Variants in ZGPAT observed in about 807,000 individuals in gnomAD.
ZGPAT encodes zinc finger CCCH-type and G-patch domain containing.
Under a neutral mutation model 47.9 loss-of-function variants are expected in ZGPAT, and 39 were observed. The observed-to-expected ratio is 0.81, with a 90% CI of 0.63 to 1.06. ZGPAT has a LOEUF of 1.06. ZGPAT is among the 50% of genes least tolerant of loss of function. The pLI is 0.00. For synonymous variants in ZGPAT, 348 were observed against 292.9 expected, an observed-to-expected ratio of 1.19 and a Z score of -1.92; for missense variants, 717 against 681.4, an observed-to-expected ratio of 1.05 and a Z score of -0.58.
chr20:63,709,870 C>CT (rs920084806), intron 2 of ZGPAT, among the ~76,000 whole-genome samples: 15 of 151,592 alleles, frequency 9.9e-5, no homozygotes, highest in East Asian at 3.9e-4. Flanking sequence ...AATTTTTTAT[C>CT]TTTTTTTTGA....
At chr20:63,732,952 G>A (rs1370804365) in intron 2 of ZGPAT, among the ~76,000 whole-genome samples, 1 of 151,692 alleles carries the variant, frequency 6.6e-6, no homozygotes, top group East Asian at 1.9e-4. Context: ...GTGTATATAT[G>A]TGTATGTGTG....
At chr20:63,713,062 G>T (rs2091686908) in intron 2 of ZGPAT, among the ~76,000 whole-genome samples, 1 of 150,350 alleles carries the variant, frequency 6.7e-6, no homozygotes, top group Admixed American at 6.7e-5. Context: ...CTTCTCTAAG[G>T]AATTGTTTTT....
At chr20:63,722,119 C>T (rs1233380976) in intron 2 of ZGPAT, among the ~76,000 whole-genome samples, 9 of 152,030 alleles carry the variant, frequency 5.9e-5, no homozygotes, top group Admixed American at 5.9e-4. Flanking sequence ...TTCAGGGAGA[C>T]ACTAGAAAGA....
chr20:63,720,428 T>TA (rs2091776027), intron 2 of ZGPAT, among the ~76,000 whole-genome samples: 1 of 152,170 alleles, frequency 6.6e-6, no homozygotes, highest in Non-Finnish European at 1.5e-5. Flanking sequence ...GTGCTGGAAT[T>TA]ACAGGTGTGA....
chr20:63,727,838 G>A (rs2091860513), intron 2 of ZGPAT, among the ~76,000 whole-genome samples: 1 of 151,844 alleles, frequency 6.6e-6, no homozygotes, highest in African/African-American at 2.4e-5. Flanking sequence ...TCCTAAATAT[G>A]GATCATGGTT....
chr20:63,732,582 T>C (rs1366228388), intron 2 of ZGPAT, among the ~76,000 whole-genome samples: 1 of 151,920 alleles, frequency 6.6e-6, no homozygotes, highest in Non-Finnish European at 1.5e-5. Flanking sequence ...TGAGTTCATG[T>C]GTGAGTGCAT....
chr20:63,731,070 A>G (rs1432202333), intron 2 of ZGPAT, among the ~76,000 whole-genome samples: 1 of 151,178 alleles, frequency 6.6e-6, no homozygotes, highest in African/African-American at 2.4e-5. Context: ...AGGTTCTCCT[A>G]GTTTGGGGGA....
chr20:63,735,197 C>A lies in ZGPAT; in HGVS notation c.1030C>A (p.His344Asn). 6.5e-7 allele frequency: 1 copy of A among 1,541,040 alleles called. No homozygotes were observed. Among genetic ancestry groups the A allele is most frequent in the Non-Finnish European group, 8.7e-7 (1 of 1,143,384 alleles). ...CGCGGAAGGCCGGGTGGAGCCCATC[C>A]ATGCTGTGGTGTTGCCTCGAGGGAA... ...RHAEGRVEPI[H>N]AVVLPRGKSL... Residue 344 changes from histidine to asparagine, a missense_variant, in exon 6 of 7, where the codon CAT (histidine) becomes AAT (asparagine). Physicochemically the swap from His to Asn is moderately conservative, Grantham distance 68 (BLOSUM62 1). Coordinates refer to ENST00000355969, the MANE Select transcript of ZGPAT (RefSeq NM_181485.3).
chr20:63,734,176 G>A, intron 4 of ZGPAT: 1 of 280,432 alleles, frequency 3.6e-6, no homozygotes. Flanking sequence ...CTGGTGGGCA[G>A]TGTCCAGCTC....
chr20:63,734,681 C>G (rs779748126), intron 4 of ZGPAT, 24 bp from the exon 5 acceptor site: 2 of 1,612,616 alleles, frequency 1.2e-6, no homozygotes, highest in Middle Eastern at 3.3e-4. Context: ...GCACAGTCCT[C>G]TGCCCTCTGT....
intron 2 of ZGPAT, among the ~76,000 whole-genome samples, chr20:63,721,365 A>AG (rs1171360909): frequency 6.6e-6 from 1 of 151,954 alleles, no homozygotes; most frequent in Non-Finnish European, 1.5e-5. Flanking sequence ...TAAAAAAAAA[A>AG]AAAAAAAGGA....
intron 2 of ZGPAT, among the ~76,000 whole-genome samples, chr20:63,709,962 G>A (rs368970520): frequency 4.6e-5 from 7 of 151,984 alleles, no homozygotes; most frequent in East Asian, 3.9e-4. Flanking sequence ...CCGGGTTCAC[G>A]CCATTCTCCT....
rs943694389 is a variant in ZGPAT at position 63,735,038 on chromosome 20, C to G, written c.992-121C>G. 5.0e-6 allele frequency: 7 copies of G among 1,387,712 alleles called. No individual in the cohort carries two copies. In the East Asian group the frequency reaches 1.6e-4, roughly 32 times the overall value. 86.0% of individuals were successfully genotyped at this position (1,387,712 alleles called of 1,614,324 possible). A position where few individuals can be genotyped will look rare whatever the true frequency, so the allele number is the denominator to read the frequency against. The stretch of plus-strand genomic sequence containing the variant: ...GATTCCCAGGGTCCTACGGCCACAG[C>G]ACTGCCATCTCCGTGCTCCTCAGAT... On this transcript the variant is annotated intron_variant, in intron 5 of 6. Transcript: ENST00000355969.
At chr20:63,728,531 C>G (rs967550310) in intron 2 of ZGPAT, among the ~76,000 whole-genome samples, 5 of 152,194 alleles carry the variant, frequency 3.3e-5, no homozygotes, top group Non-Finnish European at 7.3e-5. Context: ...TCACCCTGGC[C>G]TCTCTTGGAG....
Position 63,735,417 on chromosome 20 carries a change from C to A in ZGPAT, c.1250C>A (p.Ala417Glu). The A allele has an allele frequency of 6.4e-7, 1 of 1,568,724 alleles. No individual in the cohort carries two copies. Among genetic ancestry groups the A allele is most frequent in the South Asian group, 1.2e-5 (1 of 84,032 alleles). Reference protein sequence around the residue: ...PGALEAGAAPAGRRSKDMYHA... With the variant: ...PGALEAGAAPEGRRSKDMYHA... ...GCCCTAGAAGCCGGGGCGGCCCCAG[C>A]GGGGAGGAGGAGCAAGGACATGTAC... Residue 417 changes from alanine to glutamate, a missense_variant, in exon 6 of 7, where the codon GCG (alanine) becomes GAG (glutamate). Coordinates refer to ENST00000355969, the MANE Select transcript of ZGPAT (RefSeq NM_181485.3).
chr20:63,734,038 A>G, intron 4 of ZGPAT: 1 of 402,192 alleles, frequency 2.5e-6, no homozygotes. Context: ...TGACCAACTG[A>G]TGGGGCCTGG....
intron 2 of ZGPAT, among the ~76,000 whole-genome samples, chr20:63,710,827 C>A (rs1426236682): frequency 2.0e-5 from 3 of 152,234 alleles, no homozygotes; most frequent in Admixed American, 2.0e-4. Flanking sequence ...GGTAATACCT[C>A]TTCCATATTC....
chr20:63,733,554 G>A (rs1353278854), intron 3 of ZGPAT, 33 bp from the exon 4 acceptor site: 1 of 1,614,048 alleles, frequency 6.2e-7, no homozygotes, highest in Admixed American at 1.7e-5. Flanking sequence ...CTGCTGTCAA[G>A]GATTCTGACC....
chr20:63,723,388 A>C (rs112341290), intron 2 of ZGPAT, among the ~76,000 whole-genome samples: 217 of 45,868 alleles, frequency 4.7e-3, no homozygotes, highest in East Asian at 7.0e-3. Context: ...CCCTTCTCCT[A>C]TGACACAGCT....
Sources: allele counts gnomAD v4.1 joint callset (sites outside exome capture counted in the v4.1 genomes callset), GRCh38; gene constraint gnomAD v4.1.1; transcripts MANE v1.5; gene names NCBI Gene and HGNC (gene_info 2026-07-23, HGNC 2026-07-21).